PCNT: variants seen among roughly 807,000 people sequenced by gnomAD.
The protein encoded by PCNT is pericentrin.
PCNT carries 319 observed loss-of-function variants against 380.4 expected under a neutral mutation model. The observed-to-expected ratio is 0.84, with a 90% confidence interval of 0.77 to 0.92. The LOEUF is 0.92. Among genes scored for constraint, PCNT ranks in the 40% least tolerant of loss-of-function variants. PCNT has a pLI of 0.00. For synonymous variants in PCNT, 1,845 were observed against 1,735.2 expected (o/e 1.06, Z -1.57); for missense variants, 4,400 against 4,255.3 (o/e 1.03, Z -0.95).
chr21:46,429,586 G>A (rs528797771), intron 35 of PCNT, among the ~76,000 whole-genome samples: 13 of 152,302 alleles, frequency 8.5e-5, no homozygotes, highest in Non-Finnish European at 1.6e-4. Context: ...CCAGCCCCAC[G>A]GGGTGCGGGA....
At position 46,411,965 on chromosome 21, in the gene PCNT, C is replaced by G; in HGVS notation, c.5892C>G (p.Ala1964=). Residue 1964 remains alanine, a synonymous_variant, in exon 28 of 47, where the codon GCC becomes GCG. Coordinates refer to ENST00000359568, the MANE Select transcript of PCNT (RefSeq NM_006031.6). ...CAGCTCACACACGGGTGCCCGGGGC[C>G]CACCCACAGCCTCGCATGGATGGTG... ...RATAHTRVPG[A]HPQPRMDGGA... is the part of the protein sequence containing the mutation. The G allele has an allele frequency of 6.2e-7, 1 of 1,600,614 alleles. No homozygotes were observed. Among genetic ancestry groups the G allele is most frequent in the Non-Finnish European group, 8.5e-7 (1 of 1,179,474 alleles).
chr21:46,354,163 C>A, intron 11 of PCNT, 95 bp downstream of exon 11: 1 of 1,122,072 alleles, frequency 8.9e-7, no homozygotes, highest in Non-Finnish European at 1.3e-6. Flanking sequence ...TTCCGTCCTT[C>A]CCACCTTGTC....
chr21:46,353,069 T>C (rs762044549), intron 9 of PCNT, 35 bp from the exon 10 acceptor site: 2 of 1,576,756 alleles, frequency 1.3e-6, no homozygotes, highest in African/African-American at 1.3e-5. Flanking sequence ...GGGTGTCCCA[T>C]TTTAAGACGA....
At chr21:46,432,681 G>A (rs2087819440) in intron 38 of PCNT, among the ~76,000 whole-genome samples, 1 of 152,224 alleles carries the variant, frequency 6.6e-6, no homozygotes, top group Non-Finnish European at 1.5e-5. Flanking sequence ...CTGGAGTGCA[G>A]TGATGTGATC....
At chr21:46,384,535 C>T (rs2085751997) in intron 16 of PCNT, among the ~76,000 whole-genome samples, 1 of 145,952 alleles carries the variant, frequency 6.9e-6, no homozygotes, top group Non-Finnish European at 1.5e-5. Flanking sequence ...CGGTGTTGTG[C>T]GTTCAGTGGC....
intron 29 of PCNT, among the ~76,000 whole-genome samples, chr21:46,415,025 A>T (rs928042595): frequency 1.3e-5 from 2 of 152,232 alleles, no homozygotes; most frequent in African/African-American, 4.8e-5. Context: ...GCACGGAAGC[A>T]TGCTTGGTGC....
At position 46,412,007 on chromosome 21, in the gene PCNT, C is replaced by G; in HGVS notation, c.5934C>G (p.Val1978=). The G allele has an allele frequency of 6.2e-7, 1 of 1,607,122 alleles. No individual in the cohort carries two copies. The highest frequency in any genetic ancestry group is 8.5e-7 in the Non-Finnish European group (1 of 1,179,838). Residue 1978 remains valine (V), a synonymous_variant, in exon 28 of 47, where the codon GTC becomes GTG. Coordinates refer to ENST00000359568, the MANE Select transcript of PCNT (RefSeq NM_006031.6). ...PRMDGGAKAQ[V]TGDVEASHDA... ...TGGATGGTGGCGCCAAGGCCCAGGT[C>G]ACCGGCGACGTGGAGGCCTCCCATG...
intron 8 of PCNT, 36 bp downstream of exon 8, chr21:46,349,856 A>T: frequency 6.2e-7 from 1 of 1,603,736 alleles, no homozygotes; most frequent in South Asian, 1.1e-5. Flanking sequence ...TACTTGGTAT[A>T]TTAGGGAAGT....
At chr21:46,332,420 T>C (rs1193094679) in intron 2 of PCNT, among the ~76,000 whole-genome samples, 1 of 152,220 alleles carries the variant, frequency 6.6e-6, no homozygotes, top group Non-Finnish European at 1.5e-5. Context: ...AATAAAGCAA[T>C]AATTTAAAAC....
In PCNT at chr21:46,431,679, C is replaced by G; in HGVS notation, c.8215C>G (p.Gln2739Glu). The stretch of plus-strand genomic sequence containing the variant: ...GGCCTTGCTGGCTCAGGAGCGGAGC[C>G]AGCTCTCTGAGCTCCAGAAGGACCT... ...CEALLAQERS[Q>E]LSELQKDLAA... Residue 2739 changes from glutamine to glutamate, a missense_variant, in exon 38 of 47, where the codon CAG becomes GAG. Gln to Glu is a conservative substitution (Grantham distance 29, BLOSUM62 2). Coordinates refer to ENST00000359568, the MANE Select transcript of PCNT (RefSeq NM_006031.6). The G allele has an allele frequency of 6.2e-7, 1 of 1,613,134 alleles. No individual in the cohort carries two copies. The highest frequency in any genetic ancestry group is 1.1e-5 in the South Asian group (1 of 91,078).
At position 46,390,841 on chromosome 21, in the gene PCNT, C is replaced by T. The variant is rs1056865766; in HGVS notation, c.4003+9C>T. 6.2e-7 allele frequency: 1 copy of T among 1,605,296 alleles called. No homozygotes were observed. Among genetic ancestry groups the T allele is most frequent in the African/African-American group, 1.3e-5 (1 of 74,798 alleles). On this transcript the variant is annotated intron_variant, in intron 20 of 46. Transcript: ENST00000359568. The stretch of plus-strand genomic sequence containing the variant: ...GCTGCACAAGACTCAGGGTGAGCAG[C>T]ATGAGGCCTCGGGGCACCTGGAGCA...
In PCNT at chr21:46,427,658, C is replaced by G. The variant is rs745674872; in HGVS notation, c.7357C>G (p.Leu2453Val). 2 of 1,613,972 alleles carry G rather than the reference C, an allele frequency of 1.2e-6. No individual in the cohort carries two copies. Among genetic ancestry groups the G allele is most frequent in the South Asian group, 2.2e-5 (2 of 91,082 alleles). The change falls in exon 34 of 47, where the codon CTT becomes GTT. Residue 2453 changes from leucine to valine, a missense_variant. Physicochemically the swap from Leu to Val is conservative, Grantham distance 32 (BLOSUM62 1). Transcript: ENST00000359568. ...PTACPDWRGD[L>V]LQVVQEAFEK... ...CGCGTGCCCCGATTGGAGAGGGGAC[C>G]TTCTGCAGGTTGTGCAAGAGGCCTT... is the stretch of plus-strand genomic sequence containing the variant.
At position 46,367,029 on chromosome 21, in the gene PCNT, C is replaced by CT; in HGVS notation, c.3056dup (p.Lys1020GlufsTer38). ...GATTTTGACTCAAGAGTTGGAGAAA[C>CT]TGAAGCGGAAACACGAAGGGGAGCT... is the stretch of plus-strand genomic sequence containing the variant. On this transcript the variant is annotated frameshift_variant, in exon 15 of 47. Coordinates refer to ENST00000359568, the MANE Select transcript of PCNT (RefSeq NM_006031.6). LOFTEE classifies it high-confidence loss of function. 1.2e-6 allele frequency: 2 copies of CT among 1,614,142 alleles called. No individual in the cohort carries two copies. The highest frequency in any genetic ancestry group is 8.5e-7 in the Non-Finnish European group (1 of 1,180,028).
intron 13 of PCNT, among the ~76,000 whole-genome samples, chr21:46,362,806 G>A (rs974430303): frequency 3.3e-5 from 5 of 151,792 alleles, no homozygotes; most frequent in African/African-American, 9.7e-5. Context: ...CCAGGAGTTC[G>A]AGGCTGCAGT....
At position 46,425,909 on chromosome 21, in the gene PCNT, C is replaced by G. The variant is rs760611253; in HGVS notation, c.7258C>G (p.Pro2420Ala). 2 of 1,613,902 alleles carry G rather than the reference C, an allele frequency of 1.2e-6. No homozygotes were observed. ...AGGCCTTGCACCCCCAAGCGGCGAG[C>G]CACACCCACCCCGGAAGGAAGACGA... ...SEGLAPPSGE[P>A]HPPRKEDEIQ... Residue 2420 changes from proline (P) to alanine (A), a missense_variant, in exon 33 of 47, where the codon CCA becomes GCA. Physicochemically the swap from Pro to Ala is conservative, Grantham distance 27. Transcript: ENST00000359568. The surrounding 1 kb of genome is among the most constrained non-coding windows in gnomAD (Gnocchi z 4.2).
At chr21:46,413,468 T>C (rs1043067679) in intron 29 of PCNT, among the ~76,000 whole-genome samples, 1 of 152,242 alleles carries the variant, frequency 6.6e-6, no homozygotes, top group African/African-American at 2.4e-5. Flanking sequence ...AGTCCGTGCC[T>C]GCAGTGACAT....
chr21:46,418,401 CG>C (rs1307043062), intron 31 of PCNT, 95 bp downstream of exon 31: 2 of 807,302 alleles, frequency 2.5e-6, no homozygotes, highest in African/African-American at 3.4e-5. Context: ...CCTGGTTCTG[CG>C]TCTGCCCCCC....
chr21:46,432,182 G>A lies in PCNT; in HGVS notation c.8718G>A (p.Gln2906=), dbSNP rs755984222. The change falls in exon 38 of 47, where the codon CAG becomes CAA. Residue 2906 remains glutamine, a synonymous_variant. Coordinates refer to ENST00000359568, the MANE Select transcript of PCNT (RefSeq NM_006031.6). ...EARQSPAAAE[Q]WRKWQRDKEK... is the part of the protein sequence containing the mutation. ...GGCAGAGCCCAGCGGCTGCGGAGCA[G>A]TGGAGGAAGTGGCAGAGAGACAAGG... 8 of 1,612,436 alleles carry A rather than the reference G, an allele frequency of 5.0e-6. No homozygotes were observed. In the South Asian group the frequency reaches 7.7e-5, roughly 16 times the overall value.
At chr21:46,325,694 A>G (rs1047537233) in intron 1 of PCNT, among the ~76,000 whole-genome samples, 1 of 152,130 alleles carries the variant, frequency 6.6e-6, no homozygotes, top group East Asian at 1.9e-4. Context: ...TGAAAGGCTG[A>G]TGTGGGATCG....
Sources: gnomAD v4.1 joint callset for allele counts (sites outside exome capture counted in the v4.1 genomes callset) on GRCh38, gnomAD v4.1.1 for gene constraint, Gnocchi (gnomAD v3.1) non-coding constraint, MANE v1.5 for transcripts, NCBI Gene and HGNC (gene_info 2026-07-23, HGNC 2026-07-21) for gene names.